INTS7: variants seen among roughly 807,000 people sequenced by gnomAD.
INTS7 encodes the protein integrator complex subunit 7.
A neutral mutation model predicts 109.2 loss-of-function variants in INTS7; 46 were observed. The ratio of observed to expected loss-of-function variants is 0.42; its 90% CI spans 0.33 to 0.54. The LOEUF is 0.54. Among genes scored for constraint, INTS7 ranks in the 20% least tolerant of loss-of-function variants. The probability of loss-of-function intolerance (pLI) is 0.07; values close to 1 mark genes in which losing one functional copy is unlikely to be tolerated. For synonymous variants in INTS7, 412 were observed against 402.9 expected (o/e 1.02, Z -0.27); for missense variants, 929 against 1,132.4 (o/e 0.82, Z 2.58).
At chr1:211,977,427 C>T (rs1370975396) in intron 11 of INTS7, among the ~76,000 whole-genome samples, 3 of 152,138 alleles carry the variant, frequency 2.0e-5, no homozygotes, top group African/African-American at 7.2e-5. Context: ...ATAAACTTAG[C>T]TAACTGCCTC....
chr1:211,971,204 A>G (rs927243112), intron 13 of INTS7, among the ~76,000 whole-genome samples: 1 of 152,194 alleles, frequency 6.6e-6, no homozygotes, highest in Admixed American at 6.5e-5. Context: ...TACCAGTAAC[A>G]ACTGGGCAAG....
At chr1:212,026,884 T>C (rs1666946609) in intron 1 of INTS7, among the ~76,000 whole-genome samples, 1 of 152,234 alleles carries the variant, frequency 6.6e-6, no homozygotes, top group Non-Finnish European at 1.5e-5. Flanking sequence ...TAATCATGTT[T>C]TATCTTCCCT....
chr1:211,984,998 G>A (rs1325076479), intron 8 of INTS7, among the ~76,000 whole-genome samples: 1 of 152,118 alleles, frequency 6.6e-6, no homozygotes, highest in Non-Finnish European at 1.5e-5. Flanking sequence ...ATAAAATGGT[G>A]CTCAGAATAA....
At chr1:211,945,049 G>A (rs1662793117) in intron 18 of INTS7, 80 bp from the exon 19 acceptor site, 14 of 1,384,662 alleles carry the variant, frequency 1.0e-5, no homozygotes, top group South Asian at 2.5e-5. Context: ...CTAATCACTG[G>A]TTACAGGTTA....
At chr1:211,948,566 G>T (rs1662943400) in intron 17 of INTS7, among the ~76,000 whole-genome samples, 1 of 152,226 alleles carries the variant, frequency 6.6e-6, no homozygotes, top group Non-Finnish European at 1.5e-5. Context: ...TCTTGGAAAA[G>T]TGTGGAGTGC....
intron 16 of INTS7, among the ~76,000 whole-genome samples, chr1:211,957,628 T>C (rs1304403754): frequency 1.3e-5 from 2 of 152,190 alleles, no homozygotes; most frequent in Non-Finnish European, 2.9e-5. Flanking sequence ...TTTGATAGAA[T>C]ATGTTTTAAG....
chr1:212,014,113 T>C (rs897338705), intron 4 of INTS7, among the ~76,000 whole-genome samples: 4 of 152,198 alleles, frequency 2.6e-5, no homozygotes, highest in East Asian at 1.9e-4. Flanking sequence ...AAAAATTATA[T>C]GCTTTCTATT....
intron 4 of INTS7, among the ~76,000 whole-genome samples, chr1:212,015,700 C>A (rs1571908787): frequency 8.0e-5 from 2 of 24,998 alleles, no homozygotes; most frequent in East Asian, 1.2e-3. Flanking sequence ...CAAGAATGAT[C>A]AATAAATACT....
At chr1:212,008,103 T>G (rs1357108163) in intron 5 of INTS7, among the ~76,000 whole-genome samples, 2 of 152,218 alleles carry the variant, frequency 1.3e-5, no homozygotes, top group Non-Finnish European at 2.9e-5. Flanking sequence ...AATTATACTC[T>G]GCGTATTGCT....
intron 1 of INTS7, among the ~76,000 whole-genome samples, chr1:212,034,568 C>T (rs1310318445): frequency 6.6e-6 from 1 of 152,180 alleles, no homozygotes; most frequent in Admixed American, 6.5e-5. Context: ...GAGTTCTTTA[C>T]TAACAAATTT....
In INTS7 at chr1:211,975,383, AAAAAG is replaced by A; in HGVS notation, c.1609-16_1609-12del. 6.2e-7 allele frequency: 1 copy of A among 1,605,722 alleles called. No homozygotes were observed. Among genetic ancestry groups the A allele is most frequent in the East Asian group, 2.2e-5 (1 of 44,822 alleles). On this transcript the variant is annotated splice_polypyrimidine_tract_variant and intron_variant, in intron 12 of 19. Coordinates refer to ENST00000366994, the MANE Select transcript of INTS7 (RefSeq NM_015434.4). ...CATGTCATGATTACCCTAAAAACAA[AAAAAG>A]AAAAGAAAAAAGAATAGAAGGAGCA...
At chr1:212,021,917 G>C (rs979288497) in intron 1 of INTS7, among the ~76,000 whole-genome samples, 7 of 151,964 alleles carry the variant, frequency 4.6e-5, no homozygotes, top group Admixed American at 3.3e-4. Flanking sequence ...AAAATATTTT[G>C]AACTGAATGA....
intron 15 of INTS7, among the ~76,000 whole-genome samples, chr1:211,966,750 T>C (rs75133689): frequency 0.026 from 3,962 of 152,282 alleles, 56 homozygotes; most frequent in African/African-American, 0.046. Context: ...AATCAAGTGA[T>C]AGGCCCCGTG....
chr1:211,948,870 G>A (rs1662959400), intron 17 of INTS7, among the ~76,000 whole-genome samples: 1 of 152,174 alleles, frequency 6.6e-6, no homozygotes, highest in South Asian at 2.1e-4. Flanking sequence ...ACCACGCCTG[G>A]CTAACTTTGT....
intron 1 of INTS7, among the ~76,000 whole-genome samples, chr1:212,024,609 C>CACATATGATTA (rs1402028188): frequency 4.6e-5 from 7 of 152,174 alleles, no homozygotes; most frequent in Admixed American, 1.3e-4. Context: ...AAACTGGAAA[C>CACATATGATTA]ACATATGTTA....
chr1:211,968,951 A>T (rs945006054), intron 13 of INTS7, among the ~76,000 whole-genome samples: 4 of 152,226 alleles, frequency 2.6e-5, no homozygotes, highest in African/African-American at 7.2e-5. Context: ...CTACATTCAC[A>T]AAGACCCCAT....
intron 5 of INTS7, among the ~76,000 whole-genome samples, chr1:212,010,577 G>A (rs1666124676): frequency 6.6e-6 from 1 of 152,086 alleles, no homozygotes; most frequent in South Asian, 2.1e-4. Context: ...GGTGAATGAT[G>A]GACCACATGA....
At chr1:211,951,889 G>C (rs1208635340) in intron 17 of INTS7, among the ~76,000 whole-genome samples, 3 of 152,210 alleles carry the variant, frequency 2.0e-5, no homozygotes, top group African/African-American at 7.2e-5. Flanking sequence ...GTGAGAGTAT[G>C]TTAGCCTGTC....
At chr1:212,013,336 C>CA (rs1329514563) in intron 4 of INTS7, among the ~76,000 whole-genome samples, 8 of 151,650 alleles carry the variant, frequency 5.3e-5, no homozygotes, top group South Asian at 2.1e-4. Flanking sequence ...TTAATTTTAA[C>CA]AAAAAAAGCT....
Sources: allele counts gnomAD v4.1 joint callset (sites outside exome capture counted in the v4.1 genomes callset), GRCh38; gene constraint gnomAD v4.1.1; transcripts MANE v1.5; gene names NCBI Gene and HGNC (gene_info 2026-07-23, HGNC 2026-07-21).